Variants in RIMS1 observed in about 807,000 individuals in gnomAD.
The protein encoded by RIMS1 is regulating synaptic membrane exocytosis protein 1.
In RIMS1, 83 loss-of-function variants were observed where a neutral mutation model predicts 214.1. That is an observed-to-expected ratio of 0.39 (90% confidence interval 0.32 to 0.47). The LOEUF (loss-of-function observed/expected upper bound fraction) is 0.47. Ranked by LOEUF, RIMS1 falls within the 20% of genes least tolerant of loss-of-function variation. RIMS1 has a pLI of 0.99. For missense variants in RIMS1, 2,050 were observed against 2,161.8 expected, an observed-to-expected ratio of 0.95 and a Z score of 1.03; for synonymous variants, 793 against 786.8, an observed-to-expected ratio of 1.01 and a Z score of -0.13.
At chr6:72,035,336 G>T (rs1819334780) in intron 2 of RIMS1, among the ~76,000 whole-genome samples, 1 of 152,092 alleles carries the variant, frequency 6.6e-6, no homozygotes, top group Non-Finnish European at 1.5e-5. Flanking sequence ...GAGTATATGT[G>T]ATTAAGAATG....
chr6:72,218,257 T>G (rs970086404), intron 6 of RIMS1, among the ~76,000 whole-genome samples: 9 of 152,104 alleles, frequency 5.9e-5, no homozygotes, highest in African/African-American at 9.7e-5. Flanking sequence ...GATGAGGACC[T>G]GGACGCAGAG....
chr6:72,276,690 TAGAG>T (rs1247029505), intron 23 of RIMS1, among the ~76,000 whole-genome samples: 1 of 152,158 alleles, frequency 6.6e-6, no homozygotes, highest in African/African-American at 2.4e-5. Flanking sequence ...CTATAGAGAA[TAGAG>T]AATTATTTAC....
At chr6:72,094,931 CTTAA>C (rs2030838918) in intron 2 of RIMS1, among the ~76,000 whole-genome samples, 1 of 150,776 alleles carries the variant, frequency 6.6e-6, no homozygotes, top group Non-Finnish European at 1.5e-5. Flanking sequence ...GCTCTTATTA[CTTAA>C]TTATTATTAT....
chr6:72,210,114 C>T (rs1686489128), intron 6 of RIMS1, among the ~76,000 whole-genome samples: 1 of 152,028 alleles, frequency 6.6e-6, no homozygotes. Flanking sequence ...ACAGAAACTA[C>T]CCAAAGGAAC....
At chr6:72,308,909 T>A (rs2095373004) in intron 27 of RIMS1, among the ~76,000 whole-genome samples, 1 of 152,224 alleles carries the variant, frequency 6.6e-6, no homozygotes, top group African/African-American at 2.4e-5. Flanking sequence ...ATCGTTTTTG[T>A]TTTCTTACTA....
chr6:72,167,850 T>G (rs1472407435), intron 4 of RIMS1, among the ~76,000 whole-genome samples: 1 of 152,082 alleles, frequency 6.6e-6, no homozygotes, highest in Non-Finnish European at 1.5e-5. Context: ...ATCAATTTTA[T>G]TAATCCTTTC....
At chr6:72,382,253 G>A (rs2098503190) in intron 29 of RIMS1, among the ~76,000 whole-genome samples, 1 of 152,158 alleles carries the variant, frequency 6.6e-6, no homozygotes, top group African/African-American at 2.4e-5. Context: ...TTTACAAGTT[G>A]TACTTATCTG....
At chr6:72,152,624 C>T (rs972228704) in intron 4 of RIMS1, among the ~76,000 whole-genome samples, 1 of 151,266 alleles carries the variant, frequency 6.6e-6, no homozygotes. Context: ...TATCACAGCA[C>T]TCATGGAGAT....
chr6:72,196,738 T>C (rs765168928), intron 6 of RIMS1, among the ~76,000 whole-genome samples: 2 of 151,906 alleles, frequency 1.3e-5, no homozygotes, highest in Non-Finnish European at 2.9e-5. Context: ...TATGAGTAGA[T>C]GAGATGTTTA....
Position 72,126,616 on chromosome 6 carries a change from G to T in RIMS1, c.471+26630G>T. The T allele has an allele frequency of 2.0e-5, 4 of 197,994 alleles. No homozygotes were observed. The South Asian group carries it at 2.3e-4, about 11-fold the overall frequency. The allele number at this position is 197,994 out of a possible 1,614,324, so 12.3% of individuals were successfully genotyped here. A position where few individuals can be genotyped will look rare whatever the true frequency, so the allele number is the denominator to read the frequency against. On this transcript the variant is annotated intron_variant, in intron 4 of 33. Transcript: ENST00000521978. ...ATAATTCCATCAAAACATGGGCAAA[G>T]AATGTGAATAGACAGTTCTCAAAAG...
chr6:72,391,560 T>C (rs2098703122), intron 30 of RIMS1, among the ~76,000 whole-genome samples: 1 of 152,214 alleles, frequency 6.6e-6, no homozygotes, highest in South Asian at 2.1e-4. Context: ...ATTACTCATA[T>C]ACCAATTTGA....
chr6:72,051,278 G>T (rs377607739), intron 2 of RIMS1, among the ~76,000 whole-genome samples: 2 of 152,118 alleles, frequency 1.3e-5, no homozygotes, highest in African/African-American at 4.8e-5. Flanking sequence ...TTTTATCAAG[G>T]CACCATCTTT....
chr6:72,295,482 TATC>T (rs1382336390), intron 26 of RIMS1, among the ~76,000 whole-genome samples: 1 of 151,826 alleles, frequency 6.6e-6, no homozygotes, highest in Non-Finnish European at 1.5e-5. Context: ...AATTTCATTT[TATC>T]ATATGAGCCT....
intron 1 of RIMS1, among the ~76,000 whole-genome samples, chr6:71,887,881 C>T (rs1768307449): frequency 6.6e-6 from 1 of 152,124 alleles, no homozygotes; most frequent in South Asian, 2.1e-4. Context: ...AGTTTTTAAT[C>T]ATGGGAGAAG....
At chr6:72,139,894 A>C (rs2041873193) in intron 4 of RIMS1, among the ~76,000 whole-genome samples, 1 of 152,186 alleles carries the variant, frequency 6.6e-6, no homozygotes, top group African/African-American at 2.4e-5. Context: ...CTAGCTTAAA[A>C]TTAATTAAAG....
chr6:72,134,915 A>C (rs1020908408), intron 4 of RIMS1, among the ~76,000 whole-genome samples: 2 of 152,154 alleles, frequency 1.3e-5, no homozygotes, highest in Non-Finnish European at 2.9e-5. Flanking sequence ...GGGAGAAAGA[A>C]AGGGAGTGAT....
chr6:72,265,034 C>G lies in RIMS1; in HGVS notation c.3176C>G (p.Ser1059Cys), dbSNP rs1007717234. 4.4e-6 allele frequency: 7 copies of G among 1,587,732 alleles called. No individual in the cohort carries two copies. The highest frequency in any genetic ancestry group is 5.2e-6 in the Non-Finnish European group (6 of 1,163,216). The change falls in exon 20 of 34, where the codon TCT becomes TGT. Residue 1059 changes from serine (S) to cysteine (C), a missense_variant. Physicochemically the swap from Ser to Cys is moderately radical, Grantham distance 112 (BLOSUM62 -1). Transcript: ENST00000521978. The stretch of plus-strand genomic sequence containing the variant: ...AAGATGCCTTTATTACAGAGCAGTT[C>G]TCACTGGAATATTTACAGGTAAGAG... ...PPKMPLLQSS[S>C]HWNIYSSILP...
At chr6:72,045,214 G>A (rs1216231905) in intron 2 of RIMS1, among the ~76,000 whole-genome samples, 1 of 151,690 alleles carries the variant, frequency 6.6e-6, no homozygotes, top group African/African-American at 2.4e-5. Flanking sequence ...AGGGATATAA[G>A]GGTACTTGTA....
At chr6:72,338,371 A>G (rs1428598946) in intron 29 of RIMS1, among the ~76,000 whole-genome samples, 6 of 151,206 alleles carry the variant, frequency 4.0e-5, no homozygotes, top group Non-Finnish European at 8.9e-5. Flanking sequence ...ATGTGTCTTA[A>G]GAAAACCTAG....
Sources: allele counts gnomAD v4.1 joint callset (sites outside exome capture counted in the v4.1 genomes callset), GRCh38; gene constraint gnomAD v4.1.1; transcripts MANE v1.5; gene names NCBI Gene and HGNC (gene_info 2026-07-23, HGNC 2026-07-21).